The following GABRB1 variants were observed in gnomAD, a reference collection of about 807,000 sequenced individuals.
GABRB1 encodes gamma-aminobutyric acid receptor subunit beta-1.
In GABRB1, 17 loss-of-function variants were observed where a neutral mutation model predicts 51.6. The ratio of observed to expected loss-of-function variants is 0.33; its 90% CI spans 0.23 to 0.49. The LOEUF is 0.49. GABRB1 is among the 20% of genes least tolerant of loss of function. The pLI is 0.99. For missense variants in GABRB1, 410 were observed against 600.6 expected (o/e 0.68, Z 3.32); for synonymous variants, 247 against 218.9 (o/e 1.13, Z -1.14).
chr4:47,311,441 G>C (rs1017368872), intron 4 of GABRB1, among the ~76,000 whole-genome samples: 4 of 150,006 alleles, frequency 2.7e-5, no homozygotes, highest in Admixed American at 6.7e-5. Flanking sequence ...AAAGATAGTC[G>C]ATTATCTTGG....
intron 5 of GABRB1, among the ~76,000 whole-genome samples, chr4:47,374,535 G>A (rs575092351): frequency 1.4e-4 from 22 of 152,174 alleles, no homozygotes; most frequent in East Asian, 7.7e-4. Flanking sequence ...GTAGAGTAGC[G>A]AGGGGAACTT....
chr4:47,341,731 T>A (rs1399384342), intron 5 of GABRB1, among the ~76,000 whole-genome samples: 3 of 152,216 alleles, frequency 2.0e-5, no homozygotes, highest in Non-Finnish European at 4.4e-5. Context: ...AACCAAAGTG[T>A]CTGGAAATAT....
chr4:47,298,978 A>T (rs1724134165), intron 4 of GABRB1, among the ~76,000 whole-genome samples: 1 of 151,978 alleles, frequency 6.6e-6, no homozygotes, highest in African/African-American at 2.4e-5. Context: ...GAGAAAAACA[A>T]GCAATGGGGA....
intron 3 of GABRB1, among the ~76,000 whole-genome samples, chr4:47,053,578 A>G (rs556623863): frequency 3.9e-5 from 6 of 152,360 alleles, no homozygotes; most frequent in African/African-American, 1.4e-4. Flanking sequence ...TTGAGAGAAC[A>G]TAAACATTCA....
In GABRB1 at chr4:47,066,363, A is replaced by G. The variant is rs190362925; in HGVS notation, c.240+33879A>G. On this transcript the variant is annotated intron_variant, in intron 3 of 8. Transcript: ENST00000295454. ...ATGTGACAGTTTCTTAAAATAAGAC[A>G]ATGGTGTTTGCTGCAGAGATTGACA... 1.7e-3 allele frequency among the ~76,000 whole-genome samples: 260 copies of G among 152,260 alleles called. 2 individuals are homozygous for G. The highest frequency in any genetic ancestry group is 6.0e-3 in the African/African-American group (249 of 41,558).
intron 8 of GABRB1, among the ~76,000 whole-genome samples, chr4:47,413,257 T>A (rs143950297): frequency 1.4e-4 from 21 of 152,340 alleles, no homozygotes; most frequent in African/African-American, 4.3e-4. Context: ...ATCTCCTGTA[T>A]CAATTTTATA....
Position 47,105,788 on chromosome 4 carries a change from C to T in GABRB1, c.241-55461C>T, listed in dbSNP as rs923860576. 3.9e-5 allele frequency among the ~76,000 whole-genome samples: 6 copies of T among 152,044 alleles called. No homozygotes were observed. The South Asian group carries it at 1.0e-3, about 26-fold the overall frequency. On this transcript the variant is annotated intron_variant, in intron 3 of 8. Transcript: ENST00000295454. ...AGGGAGGCTTTCCCAGTTCTCTGCC[C>T]CCAATATTCCTCATAAGAACTGTGG...
At chr4:47,157,437 G>A (rs1041086498) in intron 3 of GABRB1, among the ~76,000 whole-genome samples, 3 of 152,014 alleles carry the variant, frequency 2.0e-5, no homozygotes, top group Admixed American at 2.0e-4. Flanking sequence ...CCAAAACGAA[G>A]TCATAGGCTT....
intron 5 of GABRB1, among the ~76,000 whole-genome samples, chr4:47,371,621 A>G (rs567892849): frequency 6.6e-6 from 1 of 152,206 alleles, no homozygotes; most frequent in South Asian, 2.1e-4. Context: ...CTTTTTAATA[A>G]TTGCCATTCT....
chr4:47,343,331 A>T (rs10012285), intron 5 of GABRB1, among the ~76,000 whole-genome samples: 1 of 151,944 alleles, frequency 6.6e-6, no homozygotes, highest in South Asian at 2.1e-4. Context: ...GTAGGAGACA[A>T]GTCAGTTTGG....
intron 3 of GABRB1, among the ~76,000 whole-genome samples, chr4:47,123,628 TTATAATATATTA>T: frequency 1.5e-5 from 1 of 68,420 alleles, no homozygotes; most frequent in Non-Finnish European, 2.5e-5. Context: ...ATATTATATA[TTATAATATATTA>T]CATTATTTTA....
At chr4:47,013,927 T>C (rs1441929901) in intron 1 of GABRB1, among the ~76,000 whole-genome samples, 1 of 152,220 alleles carries the variant, frequency 6.6e-6, no homozygotes, top group East Asian at 1.9e-4. Flanking sequence ...TTTATGAATC[T>C]TTTCACTATG....
At chr4:47,388,571 T>G (rs1727878250) in intron 5 of GABRB1, among the ~76,000 whole-genome samples, 1 of 152,212 alleles carries the variant, frequency 6.6e-6, no homozygotes. Context: ...CTGCTGCTGC[T>G]TAATTCTTAT....
At chr4:47,341,949 G>A (rs973403941) in intron 5 of GABRB1, among the ~76,000 whole-genome samples, 1 of 152,098 alleles carries the variant, frequency 6.6e-6, no homozygotes, top group African/African-American at 2.4e-5. Flanking sequence ...GAACCAGAGA[G>A]GACACTGAAG....
chr4:47,322,746 G>T (rs1399309504), intron 5 of GABRB1, among the ~76,000 whole-genome samples: 1 of 152,080 alleles, frequency 6.6e-6, no homozygotes, highest in Non-Finnish European at 1.5e-5. Flanking sequence ...CAAGAAGGGT[G>T]GATCGCCTGA....
chr4:46,995,057 C>A (rs939070634), intron 1 of GABRB1, among the ~76,000 whole-genome samples: 1 of 152,178 alleles, frequency 6.6e-6, no homozygotes, highest in African/African-American at 2.4e-5. Flanking sequence ...CCATCTCTAT[C>A]ATTCTTTTCT....
chr4:47,151,763 G>C (rs1356011166), intron 3 of GABRB1, among the ~76,000 whole-genome samples: 1 of 151,998 alleles, frequency 6.6e-6, no homozygotes, highest in Non-Finnish European at 1.5e-5. Flanking sequence ...AAAAATGTGA[G>C]TGAAGTTTAT....
chr4:47,103,360 A>G (rs183355408), intron 3 of GABRB1, among the ~76,000 whole-genome samples: 222 of 152,126 alleles, frequency 1.5e-3, no homozygotes, highest in African/African-American at 5.0e-3. Flanking sequence ...ATCTTTTCCC[A>G]ATGGTAGCTT....
At chr4:47,330,781 A>G (rs1207377919) in intron 5 of GABRB1, among the ~76,000 whole-genome samples, 2 of 152,206 alleles carry the variant, frequency 1.3e-5, no homozygotes, top group Non-Finnish European at 2.9e-5. Context: ...TATTAATTCT[A>G]AAGTGATCCT....
Sources: allele counts gnomAD v4.1 joint callset (sites outside exome capture counted in the v4.1 genomes callset), GRCh38; gene constraint gnomAD v4.1.1; transcripts MANE v1.5; gene names NCBI Gene and HGNC (gene_info 2026-07-23, HGNC 2026-07-21).